Variants in RBMS1 observed in about 807,000 individuals in gnomAD.
The protein encoded by RBMS1 is RNA-binding motif, single-stranded-interacting protein 1.
Under a neutral mutation model 62.3 loss-of-function variants are expected in RBMS1, and 17 were observed. The observed-to-expected ratio is 0.27, with a 90% CI of 0.19 to 0.41. The LOEUF is 0.41. RBMS1 is among the 10% of genes least tolerant of loss of function. The probability of loss-of-function intolerance (pLI) is 1.00; values close to 1 mark genes in which losing one functional copy is unlikely to be tolerated. For missense variants in RBMS1, 334 were observed against 504.5 expected (o/e 0.66, Z 3.24); for synonymous variants, 172 against 170.0 (o/e 1.01, Z -0.09).
chr2:160,370,361 G>A (rs186013295), intron 1 of RBMS1, among the ~76,000 whole-genome samples: 216 of 152,294 alleles, frequency 1.4e-3, no homozygotes, highest in Middle Eastern at 3.4e-3. Context: ...TGGGCCGGGC[G>A]CAGTGGCTCA....
chr2:160,277,585 TA>T (rs1291932944), intron 11 of RBMS1: 10 of 401,794 alleles, frequency 2.5e-5, no homozygotes, highest in Non-Finnish European at 4.4e-5. Flanking sequence ...TCTGCTAAAC[TA>T]AAAATTCCAC....
chr2:160,481,940 C>T (rs1337038634), intron 1 of RBMS1, among the ~76,000 whole-genome samples: 1 of 152,206 alleles, frequency 6.6e-6, no homozygotes, highest in Non-Finnish European at 1.5e-5. Flanking sequence ...TGAACATACA[C>T]ATATCCTATG....
At chr2:160,446,784 C>T (rs750680596) in intron 1 of RBMS1, among the ~76,000 whole-genome samples, 11 of 152,206 alleles carry the variant, frequency 7.2e-5, no homozygotes, top group Admixed American at 1.3e-4. Context: ...CTGTCCCCTC[C>T]GGTTGACAGG....
intron 1 of RBMS1, among the ~76,000 whole-genome samples, chr2:160,399,173 T>A (rs1695310272): frequency 6.6e-6 from 1 of 152,238 alleles, no homozygotes; most frequent in Admixed American, 6.5e-5. Context: ...TCCTGTCTCC[T>A]GAGTTAGAAA....
chr2:160,418,948 T>C (rs1443136987), intron 1 of RBMS1, among the ~76,000 whole-genome samples: 1 of 152,182 alleles, frequency 6.6e-6, no homozygotes, highest in Admixed American at 6.5e-5. Flanking sequence ...ATAAGCAATA[T>C]ATTAAAAATG....
chr2:160,282,044 G>A (rs1347544316), intron 9 of RBMS1: 2 of 340,738 alleles, frequency 5.9e-6, no homozygotes, highest in Non-Finnish European at 1.1e-5. Context: ...TGGCAGGAAA[G>A]AAAGCATGTG....
chr2:160,481,388 TTA>T lies in RBMS1; in HGVS notation c.75+11899_75+11900del, dbSNP rs1285865414. Among the ~76,000 whole-genome samples, 3 of 150,198 alleles carry T rather than the reference TTA, an allele frequency of 2.0e-5. 1 individual carries two copies. The highest frequency in any genetic ancestry group is 4.4e-5 in the Non-Finnish European group (3 of 67,678). On this transcript the variant is annotated intron_variant, in intron 1 of 13. Transcript: ENST00000348849. Reference sequence around the variant, plus strand: ...AAAAAAAAGAAAAAAATTCACAATCTTAAAGTAAGCAGATTTCTTAAACAGAC... The same window carrying T: ...AAAAAAAAGAAAAAAATTCACAATCTAAGTAAGCAGATTTCTTAAACAGAC...
intron 1 of RBMS1, among the ~76,000 whole-genome samples, chr2:160,426,242 AAAG>A (rs1682574831): frequency 8.2e-6 from 1 of 121,612 alleles, no homozygotes; most frequent in Non-Finnish European, 1.7e-5. Flanking sequence ...AGAAAGAAAG[AAAG>A]AAAGAAAGAA....
At chr2:160,324,882 G>GTGTATA (rs1206910746) in intron 2 of RBMS1, among the ~76,000 whole-genome samples, 5 of 100,016 alleles carry the variant, frequency 5.0e-5, no homozygotes, top group Admixed American at 1.0e-4. Context: ...GTGTGTGTGT[G>GTGTATA]TATATATATA....
chr2:160,415,774 A>G (rs779375346), intron 1 of RBMS1, among the ~76,000 whole-genome samples: 41 of 152,184 alleles, frequency 2.7e-4, no homozygotes, highest in Non-Finnish European at 5.6e-4. Context: ...CACAGAAGGA[A>G]AGAAACAGTA....
chr2:160,296,365 C>T (rs190103130), intron 6 of RBMS1, among the ~76,000 whole-genome samples: 1 of 152,144 alleles, frequency 6.6e-6, no homozygotes, highest in Non-Finnish European at 1.5e-5. Flanking sequence ...ATGCAGTGTG[C>T]TCTCAGGTTT....
chr2:160,438,688 T>C (rs1381320297), intron 1 of RBMS1, among the ~76,000 whole-genome samples: 2 of 152,214 alleles, frequency 1.3e-5, no homozygotes, highest in African/African-American at 2.4e-5. Context: ...AACCATCCGA[T>C]TTCTCAGTCT....
At chr2:160,332,605 C>T (rs923125579) in intron 2 of RBMS1, among the ~76,000 whole-genome samples, 10 of 152,124 alleles carry the variant, frequency 6.6e-5, no homozygotes, top group Non-Finnish European at 8.8e-5. Flanking sequence ...TTCCTGCTTC[C>T]TCTCCCGCTT....
In RBMS1 at chr2:160,311,232, C is replaced by CTATATATCTATATATA. The variant is rs1689866017; in HGVS notation, c.402+1923_402+1924insTATATATAGATATATA. On this transcript the variant is annotated intron_variant, in intron 4 of 13. Coordinates refer to ENST00000348849, the MANE Select transcript of RBMS1 (RefSeq NM_016836.4). ...AAAATCTATCTATCTATCTATCTAT[C>CTATATATCTATATATA]TATATATATATATATATATATATAT... Among the ~76,000 whole-genome samples, 70 of 79,240 alleles carry CTATATATCTATATATA rather than the reference C, an allele frequency of 8.8e-4. 1 individual carries two copies. Among genetic ancestry groups the CTATATATCTATATATA allele is most frequent in the East Asian group, 8.0e-3 (25 of 3,136 alleles). The allele number at this position is 79,240 out of a possible 152,430, so 52.0% of individuals were successfully genotyped here.
intron 1 of RBMS1, among the ~76,000 whole-genome samples, chr2:160,434,629 G>C (rs1388843623): frequency 6.6e-6 from 1 of 152,200 alleles, no homozygotes; most frequent in Non-Finnish European, 1.5e-5. Flanking sequence ...ATGGGCACTT[G>C]AAATATGGCT....
intron 7 of RBMS1, among the ~76,000 whole-genome samples, chr2:160,285,672 A>AAACCCC (rs1181172758): frequency 3.3e-5 from 5 of 151,936 alleles, no homozygotes; most frequent in Non-Finnish European, 5.9e-5. Flanking sequence ...GAGGTGAAAA[A>AAACCCC]AACCCCAACT....
chr2:160,465,108 A>T (rs1430881572), intron 1 of RBMS1, among the ~76,000 whole-genome samples: 1 of 152,238 alleles, frequency 6.6e-6, no homozygotes, highest in African/African-American at 2.4e-5. Flanking sequence ...CAAAAAGTCA[A>T]ATAAGCTAAT....
chr2:160,375,026 C>T (rs1036146992), intron 1 of RBMS1, among the ~76,000 whole-genome samples: 34 of 152,118 alleles, frequency 2.2e-4, no homozygotes, highest in African/African-American at 8.2e-4. Flanking sequence ...AGTATTATCC[C>T]TGGAAGGCTC....
At chr2:160,327,568 G>A (rs955252095) in intron 2 of RBMS1, among the ~76,000 whole-genome samples, 8 of 152,054 alleles carry the variant, frequency 5.3e-5, no homozygotes, top group Non-Finnish European at 1.0e-4. Context: ...TCAAGGTAAC[G>A]TAGCTTTACA....
Sources: allele counts gnomAD v4.1 joint callset (sites outside exome capture counted in the v4.1 genomes callset), GRCh38; gene constraint gnomAD v4.1.1; transcripts MANE v1.5; gene names NCBI Gene and HGNC (gene_info 2026-07-23, HGNC 2026-07-21).